MYT1L: variants seen among roughly 807,000 people sequenced by gnomAD.
MYT1L encodes the protein myelin transcription factor 1-like protein.
A neutral mutation model predicts 126.7 loss-of-function variants in MYT1L; 12 were observed. The ratio of observed to expected loss-of-function variants is 0.09; its 90% CI spans 0.06 to 0.15. The LOEUF (loss-of-function observed/expected upper bound fraction) is 0.15, where lower values mean the gene tolerates loss of function less well. Ranked by LOEUF, MYT1L falls within the 10% of genes least tolerant of loss-of-function variation. The pLI is 1.00. For missense variants in MYT1L, 979 were observed against 1,585.2 expected, an observed-to-expected ratio of 0.62 and a Z score of 6.49; for synonymous variants, 541 against 604.2, an observed-to-expected ratio of 0.90 and a Z score of 1.53.
intron 18 of MYT1L, among the ~76,000 whole-genome samples, chr2:1,860,792 G>A (rs1394072089): frequency 1.3e-5 from 2 of 152,062 alleles, no homozygotes. Context: ...TAAGGAACCC[G>A]CTGTGGGATG....
At chr2:1,939,330 A>G (rs931376108) in intron 9 of MYT1L, among the ~76,000 whole-genome samples, 1 of 152,178 alleles carries the variant, frequency 6.6e-6, no homozygotes, top group Non-Finnish European at 1.5e-5. Flanking sequence ...CACCCAAGGA[A>G]CATGAAAGGC....
chr2:2,202,878 A>G (rs892059859), intron 2 of MYT1L, among the ~76,000 whole-genome samples: 2 of 152,188 alleles, frequency 1.3e-5, no homozygotes, highest in African/African-American at 4.8e-5. Context: ...CCTCAATAAA[A>G]TACTGGCAAA....
At chr2:2,161,272 G>A (rs1465470249) in intron 3 of MYT1L, among the ~76,000 whole-genome samples, 2 of 152,172 alleles carry the variant, frequency 1.3e-5, no homozygotes, top group Non-Finnish European at 2.9e-5. Context: ...GACCATATGG[G>A]AAATGTGTAT....
intron 3 of MYT1L, among the ~76,000 whole-genome samples, chr2:2,057,918 A>G (rs1056712373): frequency 1.3e-5 from 2 of 152,180 alleles, no homozygotes; most frequent in Admixed American, 1.3e-4. Context: ...TGCAGGTTTT[A>G]CTGTGAATGT....
chr2:2,117,602 G>A (rs1477443599), intron 3 of MYT1L, among the ~76,000 whole-genome samples: 10 of 152,212 alleles, frequency 6.6e-5, no homozygotes, highest in Admixed American at 5.9e-4. Flanking sequence ...TGAACAACAC[G>A]TGACAGGGAC....
Position 1,801,832 on chromosome 2 carries a change from T to C in MYT1L, c.3173-33A>G. Reference sequence around the variant, plus strand: ...AATGAATATTAGTATGTTAAAACTGTTATATACAAAAATATTAGAGTTAGA... The same window carrying C: ...AATGAATATTAGTATGTTAAAACTGCTATATACAAAAATATTAGAGTTAGA... On this transcript the variant is annotated intron_variant, in intron 22 of 24. Transcript: ENST00000647738. This position sits in a 1 kb window ranked among gnomAD's most constrained non-coding sequence, Gnocchi z 4.2. The C allele has an allele frequency of 7.4e-7, 1 of 1,348,106 alleles. No homozygotes were observed. The highest frequency in any genetic ancestry group is 1.3e-5 in the South Asian group (1 of 78,674). The allele number at this position is 1,348,106 out of a possible 1,614,324, so 83.5% of individuals were successfully genotyped here. A position where few individuals can be genotyped will look rare whatever the true frequency, so the allele number is the denominator to read the frequency against.
At chr2:1,870,058 C>G (rs1460425688) in intron 18 of MYT1L, among the ~76,000 whole-genome samples, 1 of 138,756 alleles carries the variant, frequency 7.2e-6, no homozygotes, top group Admixed American at 6.8e-5. Context: ...AAGTCGAACT[C>G]AGAGGGCATT....
chr2:1,984,779 T>C (rs2060882545), intron 5 of MYT1L, among the ~76,000 whole-genome samples: 1 of 151,786 alleles, frequency 6.6e-6, no homozygotes, highest in South Asian at 2.1e-4. Flanking sequence ...AAAGTGCTGG[T>C]ATTACAGGTG....
intron 1 of MYT1L, chr2:2,303,813 C>A (rs559899951): frequency 6.6e-6 from 1 of 152,336 alleles, no homozygotes; most frequent in East Asian, 1.9e-4. Flanking sequence ...GGATAGCCAC[C>A]TTCCTTCTCA....
intron 3 of MYT1L, among the ~76,000 whole-genome samples, chr2:2,064,906 T>C (rs1438120433): frequency 6.6e-6 from 1 of 152,132 alleles, no homozygotes; most frequent in Non-Finnish European, 1.5e-5. Context: ...AAGAAATGAG[T>C]GTATGACCAG....
At chr2:1,883,824 C>T (rs1425728604) in intron 18 of MYT1L, 5 of 152,192 alleles carry the variant, frequency 3.3e-5, no homozygotes, top group Non-Finnish European at 5.9e-5. Flanking sequence ...ACTATGTCTT[C>T]GACACACCAG....
chr2:2,214,052 A>G (rs2093607331), intron 2 of MYT1L, among the ~76,000 whole-genome samples: 1 of 151,850 alleles, frequency 6.6e-6, no homozygotes, highest in Admixed American at 6.5e-5. Context: ...ATGAAAATGC[A>G]CTGTACATGA....
In MYT1L at chr2:1,955,752, A is replaced by G. The variant is rs150648305; in HGVS notation, c.153-12418T>C. 1.8e-4 allele frequency among the ~76,000 whole-genome samples: 28 copies of G among 152,352 alleles called. 1 individual carries two copies. The highest frequency in any genetic ancestry group is 6.7e-4 in the African/African-American group (28 of 41,584). On this transcript the variant is annotated intron_variant, in intron 8 of 24. Coordinates refer to ENST00000647738, the MANE Select transcript of MYT1L (RefSeq NM_001303052.2). ...CACTTTTTTGTTGAAGCATAACCTT[A>G]TAACTGAACCCATCTGTCCTGGGAT... is the stretch of plus-strand genomic sequence containing the variant.
intron 4 of MYT1L, among the ~76,000 whole-genome samples, chr2:2,033,131 C>A (rs1238965035): frequency 1.1e-4 from 15 of 137,592 alleles, no homozygotes; most frequent in Non-Finnish European, 9.2e-5. Context: ...ACCCCACACC[C>A]CTCGCCCGTG....
At chr2:2,242,955 G>C (rs1042705018) in intron 2 of MYT1L, among the ~76,000 whole-genome samples, 2 of 152,092 alleles carry the variant, frequency 1.3e-5, no homozygotes, top group Non-Finnish European at 2.9e-5. Flanking sequence ...TTTTAGCAAT[G>C]AAGAGGACAG....
chr2:2,189,356 A>C (rs2092427599), intron 2 of MYT1L, among the ~76,000 whole-genome samples: 1 of 152,146 alleles, frequency 6.6e-6, no homozygotes, highest in Admixed American at 6.5e-5. Context: ...TCATGCAACT[A>C]CATCATCTGT....
chr2:2,122,508 T>C (rs1187687746), intron 3 of MYT1L, among the ~76,000 whole-genome samples: 1 of 152,124 alleles, frequency 6.6e-6, no homozygotes, highest in Non-Finnish European at 1.5e-5. Context: ...ATGGCCGGCG[T>C]AGGCACATAA....
intron 3 of MYT1L, among the ~76,000 whole-genome samples, chr2:2,064,726 A>G (rs2070997291): frequency 6.6e-6 from 1 of 152,240 alleles, no homozygotes; most frequent in African/African-American, 2.4e-5. Context: ...GAATTAATGT[A>G]GAAAAAGACA....
intron 21 of MYT1L, among the ~76,000 whole-genome samples, chr2:1,820,062 G>C (rs1175634012): frequency 6.6e-6 from 1 of 152,082 alleles, no homozygotes; most frequent in African/African-American, 2.4e-5. Context: ...GCTGGCAGAG[G>C]GGCCTGGGGG....
Sources: gnomAD v4.1 joint callset for allele counts (sites outside exome capture counted in the v4.1 genomes callset) on GRCh38, gnomAD v4.1.1 for gene constraint, Gnocchi (gnomAD v3.1) non-coding constraint, MANE v1.5 for transcripts, NCBI Gene and HGNC (gene_info 2026-07-23, HGNC 2026-07-21) for gene names.